ZNF341: variants seen among roughly 807,000 people sequenced by gnomAD.
The protein encoded by ZNF341 is zinc finger protein 341.
Under a neutral mutation model 87.7 loss-of-function variants are expected in ZNF341, and 52 were observed. That is an observed-to-expected ratio of 0.59 (90% CI 0.47 to 0.75). The LOEUF (loss-of-function observed/expected upper bound fraction) is 0.75. Among genes scored for constraint, ZNF341 ranks in the 30% least tolerant of loss-of-function variants. ZNF341 has a pLI of 0.00. For synonymous variants in ZNF341, 459 were observed against 472.7 expected, an observed-to-expected ratio of 0.97 and a Z score of 0.38; for missense variants, 977 against 1,145.9, an observed-to-expected ratio of 0.85 and a Z score of 2.13.
intron 10 of ZNF341, 53 bp from the exon 11 acceptor site, chr20:33,781,238 C>T: frequency 6.8e-7 from 1 of 1,460,840 alleles, no homozygotes; most frequent in Non-Finnish European, 9.6e-7. Flanking sequence ...CGGGGCGCTG[C>T]TTCCTATGCC....
chr20:33,746,395 A>T (rs1189944907), intron 3 of ZNF341, among the ~76,000 whole-genome samples: 1 of 147,788 alleles, frequency 6.8e-6, no homozygotes, highest in Admixed American at 6.8e-5. Context: ...CACCACGCCC[A>T]GCTGATTTTT....
At chr20:33,748,374 C>T (rs963380621) in intron 3 of ZNF341, among the ~76,000 whole-genome samples, 1 of 152,024 alleles carries the variant, frequency 6.6e-6, no homozygotes, top group African/African-American at 2.4e-5. Context: ...CTGGCTGATA[C>T]AAGGAAGTAT....
rs753338139 is a variant in ZNF341 at position 33,745,190 on chromosome 20, A to G, written c.230A>G (p.Gln77Arg). The change falls in exon 3 of 15, where the codon CAG becomes CGG. Residue 77 changes from glutamine (Q) to arginine (R), a missense_variant. Physicochemically the swap from Gln to Arg is conservative, Grantham distance 43. Coordinates refer to ENST00000375200, the MANE Select transcript of ZNF341 (RefSeq NM_001282933.2). ...AFMTHKREQC[Q>R]GNAPALATVS... Reference sequence around the variant, plus strand: ...ATGACCCACAAGCGGGAACAGTGCCAGGGGAATGCCCCCGCCCTGGCCACA... The same window carrying G: ...ATGACCCACAAGCGGGAACAGTGCCGGGGGAATGCCCCCGCCCTGGCCACA... 1.2e-6 allele frequency: 2 copies of G among 1,614,212 alleles called. No homozygotes were observed. Among genetic ancestry groups the G allele is most frequent in the East Asian group, 2.2e-5 (1 of 44,886 alleles).
chr20:33,768,152 T>C, intron 9 of ZNF341, among the ~76,000 whole-genome samples: 1 of 151,434 alleles, frequency 6.6e-6, no homozygotes, highest in South Asian at 2.1e-4. Flanking sequence ...CGAGGCAGTC[T>C]CACTCTGTCG....
At chr20:33,735,435 A>G (rs920730263) in intron 1 of ZNF341, among the ~76,000 whole-genome samples, 1 of 152,068 alleles carries the variant, frequency 6.6e-6, no homozygotes, top group African/African-American at 2.4e-5. Flanking sequence ...CCTGGGCTCA[A>G]GTGATCCTCC....
chr20:33,755,979 T>C (rs2019168551), intron 5 of ZNF341, among the ~76,000 whole-genome samples: 1 of 151,954 alleles, frequency 6.6e-6, no homozygotes, highest in Non-Finnish European at 1.5e-5. Flanking sequence ...TCCCTGCACT[T>C]TGGGAGCCCG....
At chr20:33,751,346 A>T (rs1439235963) in intron 4 of ZNF341, among the ~76,000 whole-genome samples, 2 of 152,084 alleles carry the variant, frequency 1.3e-5, no homozygotes, top group African/African-American at 4.8e-5. Flanking sequence ...AGTTGTACTC[A>T]TGGCTGTGGT....
At chr20:33,747,642 A>AC (rs775585893) in intron 3 of ZNF341, among the ~76,000 whole-genome samples, 1 of 146,118 alleles carries the variant, frequency 6.8e-6, no homozygotes, top group African/African-American at 2.5e-5. Flanking sequence ...AAAAAAAAAA[A>AC]CACAGTCATT....
chr20:33,747,773 G>A (rs1026349508), intron 3 of ZNF341, among the ~76,000 whole-genome samples: 1 of 141,952 alleles, frequency 7.0e-6, no homozygotes, highest in African/African-American at 2.6e-5. Context: ...TTGGCTCACT[G>A]CAACCTCCAT....
At chr20:33,756,813 C>A (rs376095200) in intron 5 of ZNF341, among the ~76,000 whole-genome samples, 1 of 152,164 alleles carries the variant, frequency 6.6e-6, no homozygotes, top group Non-Finnish European at 1.5e-5. Context: ...TCACAGTAAC[C>A]GCATGAGAGG....
intron 10 of ZNF341, among the ~76,000 whole-genome samples, chr20:33,774,733 C>T (rs7264598): frequency 2.6e-5 from 4 of 151,992 alleles, no homozygotes; most frequent in Admixed American, 6.6e-5. Flanking sequence ...TGTGGGAGGC[C>T]GAGGCAGGCA....
At chr20:33,769,609 C>A (rs912431695) in intron 9 of ZNF341, among the ~76,000 whole-genome samples, 2 of 152,108 alleles carry the variant, frequency 1.3e-5, no homozygotes, top group Admixed American at 6.6e-5. Context: ...AGGGAACCCT[C>A]TAATCAAGTT....
At position 33,745,085 on chromosome 20, in the gene ZNF341, C is replaced by G; in HGVS notation, c.143-18C>G. Reference sequence around the variant, plus strand: ...TCATCTGTGGCCTCTTCCCACTACTCTGCGGGTATGACCCCAGATGACGAG... The same window carrying G: ...TCATCTGTGGCCTCTTCCCACTACTGTGCGGGTATGACCCCAGATGACGAG... On this transcript the variant is annotated intron_variant, in intron 2 of 14. Transcript: ENST00000375200. 2 of 1,602,792 alleles carry G rather than the reference C, an allele frequency of 1.2e-6. No individual in the cohort carries two copies. The highest frequency in any genetic ancestry group is 2.2e-5 in the South Asian group (2 of 90,724).
chr20:33,749,810 T>C (rs1003170230), intron 4 of ZNF341, among the ~76,000 whole-genome samples: 1 of 151,580 alleles, frequency 6.6e-6, no homozygotes, highest in Admixed American at 6.6e-5. Context: ...TGAAGTGCAG[T>C]GGTGCGATCT....
chr20:33,749,516 C>G (rs540107839), intron 4 of ZNF341, among the ~76,000 whole-genome samples: 1 of 152,020 alleles, frequency 6.6e-6, no homozygotes, highest in Non-Finnish European at 1.5e-5. Context: ...AGGCTGATCA[C>G]GAACTCTTGA....
intron 10 of ZNF341, among the ~76,000 whole-genome samples, chr20:33,772,474 G>A (rs2019552855): frequency 6.6e-6 from 1 of 152,100 alleles, no homozygotes; most frequent in Non-Finnish European, 1.5e-5. Flanking sequence ...AAAATGCATG[G>A]GCTGCTCAGG....
chr20:33,744,163 A>C (rs2122642934), intron 2 of ZNF341, among the ~76,000 whole-genome samples: 1 of 152,250 alleles, frequency 6.6e-6, no homozygotes, highest in East Asian at 1.9e-4. Flanking sequence ...CATGCCTGTA[A>C]TCCCAGCTAC....
chr20:33,771,022 T>TGAGGCAGGA, intron 10 of ZNF341, among the ~76,000 whole-genome samples: 1 of 152,036 alleles, frequency 6.6e-6, no homozygotes, highest in South Asian at 2.1e-4. Flanking sequence ...CTTGGGAGGC[T>TGAGGCAGGA]GAGGCAGGAG....
In ZNF341 at chr20:33,783,748, G is replaced by A. The variant is rs758286100; in HGVS notation, c.1736G>A (p.Arg579His). Residue 579 changes from arginine (R) to histidine (H), a missense_variant, in exon 12 of 15, where the codon CGC becomes CAC. Physicochemically the swap from Arg to His is conservative, Grantham distance 29 (BLOSUM62 0). Transcript: ENST00000375200. ...CTCTCCCAGGTGTTTCCTTGTGAAC[G>A]CTACCTGCGGCGTCATCTGCCCACC... Reference protein sequence around the residue: ...PHCQKVFPCERYLRRHLPTHG... With the variant: ...PHCQKVFPCEHYLRRHLPTHG... 8.1e-6 allele frequency: 13 copies of A among 1,613,672 alleles called. No homozygotes were observed. The highest frequency in any genetic ancestry group is 1.1e-5 in the Non-Finnish European group (13 of 1,179,876).
Sources: allele counts gnomAD v4.1 joint callset (sites outside exome capture counted in the v4.1 genomes callset), GRCh38; gene constraint gnomAD v4.1.1; transcripts MANE v1.5; gene names NCBI Gene and HGNC (gene_info 2026-07-23, HGNC 2026-07-21).